Variants in UBR4 observed in about 807,000 individuals in gnomAD.
UBR4 encodes the protein ubiquitin protein ligase E3 component n-recognin 4.
UBR4 carries 124 observed loss-of-function variants against 575.6 expected under a neutral mutation model. The ratio of observed to expected loss-of-function variants is 0.22; its 90% CI spans 0.19 to 0.25. UBR4 has a LOEUF of 0.25. Ranked by LOEUF, UBR4 falls within the 10% of genes least tolerant of loss-of-function variation. The pLI, the probability that UBR4 is intolerant of heterozygous loss-of-function variation, is 1.00. For synonymous variants in UBR4, 2,455 were observed against 2,473.7 expected, an observed-to-expected ratio of 0.99 and a Z score of 0.22; for missense variants, 4,818 against 6,478.8, an observed-to-expected ratio of 0.74 and a Z score of 8.80.
intron 1 of UBR4, among the ~76,000 whole-genome samples, chr1:19,208,557 A>G (rs1247702548): frequency 6.6e-6 from 1 of 152,164 alleles, no homozygotes; most frequent in Non-Finnish European, 1.5e-5. Context: ...CTAAGCCATA[A>G]AGAGAGATCT....
intron 60 of UBR4, among the ~76,000 whole-genome samples, chr1:19,133,585 A>G (rs2082791098): frequency 6.6e-6 from 1 of 152,236 alleles, no homozygotes; most frequent in African/African-American, 2.4e-5. Flanking sequence ...GATTGGAACG[A>G]AAAAAGTTAC....
At position 19,115,494 on chromosome 1, in the gene UBR4, T is replaced by C. The variant is rs902337300; in HGVS notation, c.10967A>G (p.Glu3656Gly). Residue 3656 changes from glutamate to glycine, a missense_variant, in exon 74 of 106, where the codon GAG becomes GGG. Around this residue, in one of 29 missense-constraint regions of UBR4, gnomAD observed 550 missense variants for 791.5 expected, o/e 0.69. Transcript: ENST00000375254. ...DFYENYQAST[E>G]TLQCPRCSAS... ...ACTACAGCGAGGGCACTGCAGGGTC[T>C]CTGTGGAGGCCTGGTAGTTTTCATA... The C allele has an allele frequency of 3.1e-6, 5 of 1,614,120 alleles. No homozygotes were observed. The highest frequency in any genetic ancestry group is 4.2e-6 in the Non-Finnish European group (5 of 1,180,038).
At position 19,142,585 on chromosome 1, in the gene UBR4, C is replaced by T. The variant is rs183330519; in HGVS notation, c.8180-808G>A. On this transcript the variant is annotated intron_variant, in intron 55 of 105. Transcript: ENST00000375254. ...AAGTCACAAAGTTGTGTACAATCCT[C>T]TAGATGTGCACTGTCCACCAGCCAC... Among the ~76,000 whole-genome samples, 279 of 152,342 alleles carry T rather than the reference C, an allele frequency of 1.8e-3. 1 individual carries two copies. Among genetic ancestry groups the T allele is most frequent in the Non-Finnish European group, 2.2e-3 (150 of 68,026 alleles).
At chr1:19,208,988 G>A (rs548640519) in intron 1 of UBR4, among the ~76,000 whole-genome samples, 1 of 152,320 alleles carries the variant, frequency 6.6e-6, no homozygotes, top group South Asian at 2.1e-4. Flanking sequence ...CGTCTGTAAA[G>A]CTGACTGTGA....
chr1:19,086,916 A>G, intron 99 of UBR4, 95 bp from the exon 100 acceptor site: 6 of 1,526,590 alleles, frequency 3.9e-6, no homozygotes, highest in Non-Finnish European at 5.3e-6. Context: ...TTCTTGGGCA[A>G]TGCCTTGGGT....
Position 19,198,796 on chromosome 1 carries a change from C to T in UBR4, c.508+3G>A. 6.2e-7 allele frequency: 1 copy of T among 1,614,168 alleles called. No homozygotes were observed. Among genetic ancestry groups the T allele is most frequent in the Non-Finnish European group, 8.5e-7 (1 of 1,180,034 alleles). On this transcript the variant is annotated splice_donor_region_variant and intron_variant, in intron 4 of 105. Coordinates refer to ENST00000375254, the MANE Select transcript of UBR4 (RefSeq NM_020765.3). ...TGATCAGATCTGTCAAAGGAACACC[C>T]ACCGTCTGAAAGTGTCTTCACTGTT... is the stretch of plus-strand genomic sequence containing the variant.
chr1:19,170,685 C>T, intron 26 of UBR4, 77 bp downstream of exon 26: 1 of 1,595,758 alleles, frequency 6.3e-7, no homozygotes, highest in Non-Finnish European at 8.6e-7. Flanking sequence ...CCAGTAGGCA[C>T]CAAGGGAGAG....
intron 60 of UBR4, among the ~76,000 whole-genome samples, chr1:19,131,243 TAAAAAAAAAAAAAA>T (rs869155620): frequency 2.9e-5 from 3 of 102,978 alleles, no homozygotes; most frequent in South Asian, 3.5e-4. Flanking sequence ...TCTTGAAACT[TAAAAAAAAAAAAAA>T]AAAAAAAAAA....
At chr1:19,192,420 T>G (rs868659148) in intron 10 of UBR4, 42 bp from the exon 11 acceptor site, 2 of 1,614,014 alleles carry the variant, frequency 1.2e-6, no homozygotes, top group Admixed American at 3.3e-5. Context: ...ATCATAGAGA[T>G]ATTTACATCT....
In UBR4 at chr1:19,117,151, G is replaced by T; in HGVS notation, c.10823+70C>A. 6.4e-7 allele frequency: 1 copy of T among 1,552,884 alleles called. No individual in the cohort carries two copies. Among genetic ancestry groups the T allele is most frequent in the Non-Finnish European group, 8.8e-7 (1 of 1,137,972 alleles). ...GATGTGCTGCCTTACTCCATTCCAG[G>T]AACCGAAGGCAGCAACTGAGCTTCA... On this transcript the variant is annotated intron_variant, in intron 73 of 105. Coordinates refer to ENST00000375254, the MANE Select transcript of UBR4 (RefSeq NM_020765.3). This position sits in a 1 kb window ranked among gnomAD's most constrained non-coding sequence, Gnocchi z 4.0.
chr1:19,105,210 G>A, intron 84 of UBR4, 21 bp from the exon 85 acceptor site: 1 of 1,604,264 alleles, frequency 6.2e-7, no homozygotes, highest in Middle Eastern at 1.7e-4. Context: ...GAGGGACAGG[G>A]CACTCTAGTC....
rs752889073 is a variant in UBR4, at chr1:19,173,619, C to T, written c.2985G>A (p.Glu995=). Residue 995 remains glutamate, a splice_region_variant and synonymous_variant, in exon 23 of 106, where the codon GAG becomes GAA. Coordinates refer to ENST00000375254, the MANE Select transcript of UBR4 (RefSeq NM_020765.3). ...RKENKNVTAL[E]ACALQYYFLI... ...AGAAGTAATATTGAAGGGCACAGGC[C>T]TCCTGGAGAAAGGAAAAGCAGCATA... The T allele has an allele frequency of 6.2e-7, 1 of 1,613,994 alleles. No individual in the cohort carries two copies. Among genetic ancestry groups the T allele is most frequent in the Admixed American group, 1.7e-5 (1 of 60,016 alleles).
At chr1:19,160,702 A>C (rs879888286) in intron 38 of UBR4, among the ~76,000 whole-genome samples, 2 of 152,216 alleles carry the variant, frequency 1.3e-5, no homozygotes, top group African/African-American at 4.8e-5. Flanking sequence ...CACAACTAAA[A>C]TTTATGCTTC....
chr1:19,146,965 G>A lies in UBR4; in HGVS notation c.7665C>T (p.Leu2555=). ...QALLSKAVQC[L]NTSSKEGKDL... is the part of the protein sequence containing the mutation. ...CCTTGCCCTCTTTGCTAGATGTGTTGAGACACTGCACAGCTTTGCTCAGCA... is the reference window on the plus strand; with the variant it reads ...CCTTGCCCTCTTTGCTAGATGTGTTAAGACACTGCACAGCTTTGCTCAGCA... The change falls in exon 52 of 106, where the codon CTC becomes CTT. Residue 2555 remains leucine, a synonymous_variant. Coordinates refer to ENST00000375254, the MANE Select transcript of UBR4 (RefSeq NM_020765.3). 6.2e-7 allele frequency: 1 copy of A among 1,613,208 alleles called. No individual in the cohort carries two copies. Among genetic ancestry groups the A allele is most frequent in the Non-Finnish European group, 8.5e-7 (1 of 1,179,486 alleles).
At chr1:19,177,365 A>G in intron 19 of UBR4, 96 bp downstream of exon 19, 1 of 1,492,020 alleles carries the variant, frequency 6.7e-7, no homozygotes, top group Non-Finnish European at 9.1e-7. Flanking sequence ...TAAAACCTAA[A>G]GTGGGTAGGT....
chr1:19,077,111 T>C (rs1297975018), intron 104 of UBR4, among the ~76,000 whole-genome samples: 3 of 152,190 alleles, frequency 2.0e-5, no homozygotes, highest in African/African-American at 7.2e-5. Context: ...TATTAGGCAC[T>C]GTGTCACCTG....
At chr1:19,146,121 T>A (rs530223793) in intron 52 of UBR4, 188 bp from the exon 53 acceptor site, 1 of 1,538,906 alleles carries the variant, frequency 6.5e-7, no homozygotes, top group East Asian at 2.5e-5. Flanking sequence ...GAAAGGAATA[T>A]CGCAGAAAAC....
intron 68 of UBR4, among the ~76,000 whole-genome samples, chr1:19,120,765 T>C (rs1033183423): frequency 3.3e-5 from 5 of 152,206 alleles, no homozygotes; most frequent in Non-Finnish European, 7.3e-5. Context: ...CTCTCAACCC[T>C]GACCACTGAT....
intron 17 of UBR4, among the ~76,000 whole-genome samples, chr1:19,182,156 A>T (rs2151167688): frequency 6.6e-6 from 1 of 152,290 alleles, no homozygotes; most frequent in East Asian, 1.9e-4. Context: ...AAGGCTGTAT[A>T]ACATTCATTG....
Sources: allele counts gnomAD v4.1 joint callset (sites outside exome capture counted in the v4.1 genomes callset), GRCh38; gene constraint gnomAD v4.1.1; regional missense constraint gnomAD v4.1.1; non-coding constraint Gnocchi (gnomAD v3.1); transcripts MANE v1.5; gene names NCBI Gene and HGNC (gene_info 2026-07-23, HGNC 2026-07-21).